Variants in EEA1 observed in about 807,000 individuals in gnomAD.
EEA1 encodes the protein early endosome antigen 1.
Under a neutral mutation model 209.2 loss-of-function variants are expected in EEA1, and 111 were observed. The observed-to-expected ratio is 0.53, with a 90% CI of 0.45 to 0.62. EEA1 has a LOEUF of 0.62. Among genes scored for constraint, EEA1 ranks in the 20% least tolerant of loss-of-function variants. The pLI, the probability that EEA1 is intolerant of heterozygous loss-of-function variation, is 0.00. For synonymous variants in EEA1, 536 were observed against 540.6 expected, an observed-to-expected ratio of 0.99 and a Z score of 0.12; for missense variants, 1,343 against 1,530.8, an observed-to-expected ratio of 0.88 and a Z score of 2.05.
chr12:92,808,507 G>C (rs1337226245), intron 18 of EEA1, among the ~76,000 whole-genome samples: 5 of 148,016 alleles, frequency 3.4e-5, no homozygotes, highest in Non-Finnish European at 7.4e-5. Context: ...TTTTGAGATA[G>C]AGTATCACTT....
chr12:92,790,005 G>T (rs888554315), intron 21 of EEA1, among the ~76,000 whole-genome samples: 1 of 152,240 alleles, frequency 6.6e-6, no homozygotes, highest in African/African-American at 2.4e-5. Context: ...GGCAAACAGA[G>T]TCTGGAGTGG....
intron 14 of EEA1, among the ~76,000 whole-genome samples, chr12:92,818,794 C>T (rs549955948): frequency 6.6e-6 from 1 of 152,212 alleles, no homozygotes; most frequent in South Asian, 2.1e-4. Context: ...TCCTAAACTA[C>T]ATTTTAATGC....
chr12:92,811,656 C>T (rs1875518404), intron 16 of EEA1, among the ~76,000 whole-genome samples: 1 of 151,982 alleles, frequency 6.6e-6, no homozygotes, highest in Non-Finnish European at 1.5e-5. Context: ...ATATGTATAA[C>T]AGTTTAATAA....
intron 1 of EEA1, among the ~76,000 whole-genome samples, chr12:92,915,089 G>C (rs1880717225): frequency 6.6e-6 from 1 of 152,130 alleles, no homozygotes; most frequent in South Asian, 2.1e-4. Context: ...TTAAATTAGT[G>C]TCTGGCATTA....
intron 2 of EEA1, among the ~76,000 whole-genome samples, chr12:92,882,032 G>A (rs1176643693): frequency 6.6e-6 from 1 of 151,842 alleles, no homozygotes; most frequent in Non-Finnish European, 1.5e-5. Flanking sequence ...TTAAAGAATA[G>A]TAAATATATT....
intron 5 of EEA1, 129 bp from the exon 6 acceptor site, chr12:92,854,083 T>A: frequency 4.6e-6 from 3 of 656,580 alleles, no homozygotes; most frequent in Non-Finnish European, 7.1e-6. Context: ...GGTGAAAATT[T>A]AAATTTGGTG....
intron 13 of EEA1, among the ~76,000 whole-genome samples, chr12:92,822,081 C>A (rs1163425179): frequency 6.6e-6 from 1 of 151,576 alleles, no homozygotes; most frequent in Non-Finnish European, 1.5e-5. Context: ...TTCCTCCTTT[C>A]CTCAAGCTTC....
At chr12:92,860,272 T>C (rs1878081864) in intron 3 of EEA1, among the ~76,000 whole-genome samples, 1 of 152,210 alleles carries the variant, frequency 6.6e-6, no homozygotes, top group African/African-American at 2.4e-5. Context: ...ACGTTTTTTT[T>C]TCTTTATAAG....
chr12:92,853,446 TG>T (rs1161060580), intron 6 of EEA1, among the ~76,000 whole-genome samples: 7 of 152,090 alleles, frequency 4.6e-5, no homozygotes, highest in Non-Finnish European at 8.8e-5. Context: ...CCCAAAGTGT[TG>T]GGATTATAGG....
chr12:92,890,698 C>T (rs1879623974), intron 2 of EEA1, among the ~76,000 whole-genome samples: 1 of 152,154 alleles, frequency 6.6e-6, no homozygotes, highest in Non-Finnish European at 1.5e-5. Context: ...AAGACATTTA[C>T]TGAAACTTGT....
intron 18 of EEA1, among the ~76,000 whole-genome samples, chr12:92,806,947 T>A (rs1875239661): frequency 1.3e-5 from 2 of 151,962 alleles, no homozygotes; most frequent in African/African-American, 4.8e-5. Context: ...TAATAATTTT[T>A]TTTTTTTTGA....
At chr12:92,877,128 TTTTTTC>T (rs1421122700) in intron 2 of EEA1, among the ~76,000 whole-genome samples, 424 of 149,532 alleles carry the variant, frequency 2.8e-3, no homozygotes, top group African/African-American at 1.0e-2. Context: ...TTCTTTTTTC[TTTTTTC>T]TTTTTTTTTT....
chr12:92,786,975 G>A (rs946740013), intron 22 of EEA1, among the ~76,000 whole-genome samples: 2 of 152,078 alleles, frequency 1.3e-5, no homozygotes, highest in Non-Finnish European at 2.9e-5. Context: ...TTTCTCAAAT[G>A]TGCCCCTGAA....
intron 18 of EEA1, among the ~76,000 whole-genome samples, chr12:92,804,960 G>T (rs1875123226): frequency 6.6e-6 from 1 of 152,132 alleles, no homozygotes; most frequent in East Asian, 1.9e-4. Context: ...ACATAGGCAA[G>T]AAAGATCTTA....
At position 92,775,843 on chromosome 12, in the gene EEA1, A is replaced by G. The variant is rs1287586382; in HGVS notation, c.*168T>C. The G allele has an allele frequency of 1.8e-6, 1 of 566,732 alleles. No homozygotes were observed. The highest frequency in any genetic ancestry group is 3.4e-5 in the East Asian group (1 of 29,184). 35.1% of individuals were successfully genotyped at this position (566,732 alleles called of 1,614,324 possible). A position where few individuals can be genotyped will look rare whatever the true frequency, so the allele number is the denominator to read the frequency against. On this transcript the variant is annotated 3_prime_UTR_variant, in exon 29 of 29. Transcript: ENST00000322349. ...GATGATAAGCCCAAGTCTCACAAAA[A>G]TAGAAGAGTTTTACTTGATATCCAT...
chr12:92,890,057 A>G (rs555478523), intron 2 of EEA1, among the ~76,000 whole-genome samples: 3 of 152,382 alleles, frequency 2.0e-5, no homozygotes, highest in Admixed American at 6.5e-5. Context: ...TGTAAACAGC[A>G]TATTAGAGAA....
Position 92,816,404 on chromosome 12 carries a change from T to C in EEA1, c.1729-4A>G. The C allele has an allele frequency of 6.2e-7, 1 of 1,613,242 alleles. No homozygotes were observed. Among genetic ancestry groups the C allele is most frequent in the Non-Finnish European group, 8.5e-7 (1 of 1,179,354 alleles). On this transcript the variant is annotated splice_polypyrimidine_tract_variant and splice_region_variant and intron_variant, in intron 14 of 28. Coordinates refer to ENST00000322349, the MANE Select transcript of EEA1 (RefSeq NM_003566.4). ...GCTTCTCTGTTAGTTGAGTTACCTG[T>C]TATACAAGTAAGACTAATCGTGAAG...
rs1565850097 is a variant in EEA1, at chr12:92,885,621, C to T, written c.117+6008G>A. Among the ~76,000 whole-genome samples, 3 of 152,310 alleles carry T rather than the reference C, an allele frequency of 2.0e-5. No individual in the cohort carries two copies. The South Asian group carries it at 6.2e-4, about 32-fold the overall frequency. On this transcript the variant is annotated intron_variant, in intron 2 of 28. Coordinates refer to ENST00000322349, the MANE Select transcript of EEA1 (RefSeq NM_003566.4). ...TTAATTTACGGCAGTCCCCAGTTAA[C>T]AGCACCTCTCTAATGTTCCCCAGTT...
In EEA1 at chr12:92,853,901, T is replaced by C. The variant is rs1461193641; in HGVS notation, c.406+14A>G. ...AAAGAAAACTGACAAAATATCTGCT[T>C]TAAGTAAAGTTACCTGCTGATGAAT... On this transcript the variant is annotated intron_variant, in intron 6 of 28. Coordinates refer to ENST00000322349, the MANE Select transcript of EEA1 (RefSeq NM_003566.4). 9 of 1,595,082 alleles carry C rather than the reference T, an allele frequency of 5.6e-6. No individual in the cohort carries two copies. The highest frequency in any genetic ancestry group is 7.7e-6 in the Non-Finnish European group (9 of 1,173,622).
Sources: allele counts gnomAD v4.1 joint callset (sites outside exome capture counted in the v4.1 genomes callset), GRCh38; gene constraint gnomAD v4.1.1; transcripts MANE v1.5; gene names NCBI Gene and HGNC (gene_info 2026-07-23, HGNC 2026-07-21).